The following REDIC1 variants were observed in gnomAD, a reference collection of about 807,000 sequenced individuals.
The protein encoded by REDIC1 is regulator of DNA class I crossover intermediates 1.
At chr12:39,810,376 T>G in the REDIC1 span, among the ~76,000 whole-genome samples, 4 of 152,214 alleles carry the variant, frequency 2.6e-5, no homozygotes, top group Non-Finnish European at 5.9e-5. Flanking sequence ...TGACCTTTTT[T>G]GAGACTTTGT....
At chr12:39,774,586 T>G in the REDIC1 span, among the ~76,000 whole-genome samples, 1 of 9,000 alleles carries the variant, frequency 1.1e-4, no homozygotes, top group Non-Finnish European at 4.8e-4. Context: ...TGTCCAGCCT[T>G]TTTTTTTTTT....
the REDIC1 span, among the ~76,000 whole-genome samples, chr12:39,667,460 A>G: frequency 6.6e-6 from 1 of 152,078 alleles, no homozygotes; most frequent in Non-Finnish European, 1.5e-5. Context: ...GTTCTTTTAC[A>G]TTTGCTGAGG....
At chr12:39,875,437 T>C in the REDIC1 span, among the ~76,000 whole-genome samples, 1 of 152,352 alleles carries the variant, frequency 6.6e-6, no homozygotes, top group South Asian at 2.1e-4. Flanking sequence ...TAAGGTAAAC[T>C]GATTAGCACA....
At chr12:39,838,151 C>A in the REDIC1 span, among the ~76,000 whole-genome samples, 5 of 147,438 alleles carry the variant, frequency 3.4e-5, no homozygotes, top group Non-Finnish European at 7.5e-5. Context: ...CCATGGAATA[C>A]TACGCAGCCA....
At chr12:39,832,907 G>C in the REDIC1 span, among the ~76,000 whole-genome samples, 2 of 152,050 alleles carry the variant, frequency 1.3e-5, no homozygotes, top group African/African-American at 2.4e-5. Flanking sequence ...TCACACTATA[G>C]AGCAGATGAG....
chr12:39,894,033 C>T, the REDIC1 span, among the ~76,000 whole-genome samples: 3 of 152,144 alleles, frequency 2.0e-5, no homozygotes, highest in Non-Finnish European at 4.4e-5. Context: ...ATGTGTAGTA[C>T]ATTTGATAGG....
chr12:39,751,607 G>A, the REDIC1 span, among the ~76,000 whole-genome samples: 6 of 152,330 alleles, frequency 3.9e-5, no homozygotes, highest in African/African-American at 1.4e-4. Flanking sequence ...GGACATGTAT[G>A]TTTATTGCGG....
the REDIC1 span, among the ~76,000 whole-genome samples, chr12:39,700,226 A>C: frequency 6.6e-6 from 1 of 152,174 alleles, no homozygotes; most frequent in Non-Finnish European, 1.5e-5. Flanking sequence ...TAGAATAACC[A>C]ATACAGAGAA....
the REDIC1 span, chr12:39,648,114 C>T: frequency 5.2e-6 from 3 of 574,788 alleles, no homozygotes; most frequent in Non-Finnish European, 8.0e-6. Context: ...AATTAAGGTT[C>T]ATTCCCTTTA....
At chr12:39,890,054 C>T in the REDIC1 span, among the ~76,000 whole-genome samples, 1 of 152,088 alleles carries the variant, frequency 6.6e-6, no homozygotes, top group African/African-American at 2.4e-5. Flanking sequence ...GGGTAGAAAC[C>T]CGATAATCTG....
chr12:39,672,105 G>T, the REDIC1 span, among the ~76,000 whole-genome samples: 3 of 152,102 alleles, frequency 2.0e-5, no homozygotes, highest in Non-Finnish European at 4.4e-5. Flanking sequence ...CAGGTGGTGT[G>T]GGGCTGTTAT....
the REDIC1 span, among the ~76,000 whole-genome samples, chr12:39,813,593 A>G: frequency 6.6e-6 from 1 of 152,194 alleles, no homozygotes; most frequent in South Asian, 2.1e-4. Flanking sequence ...TCAAACAGCC[A>G]ATCACTGTTC....
At chr12:39,836,630 C>A in the REDIC1 span, among the ~76,000 whole-genome samples, 1 of 146,032 alleles carries the variant, frequency 6.8e-6, no homozygotes, top group African/African-American at 2.6e-5. Context: ...TGATAAGCAA[C>A]TTCAGCAAAG....
At chr12:39,783,213 T>A in the REDIC1 span, among the ~76,000 whole-genome samples, 1 of 152,220 alleles carries the variant, frequency 6.6e-6, no homozygotes, top group African/African-American at 2.4e-5. Context: ...TCCTTTTTTA[T>A]AGCTGCATAG....
chr12:39,900,343 C>T, the REDIC1 span, among the ~76,000 whole-genome samples: 5 of 151,906 alleles, frequency 3.3e-5, no homozygotes, highest in Non-Finnish European at 7.4e-5. Flanking sequence ...CTGGCCAGGG[C>T]GATTAGGCAG....
chr12:39,820,397 G>GAAT, the REDIC1 span, among the ~76,000 whole-genome samples: 1 of 152,122 alleles, frequency 6.6e-6, no homozygotes, highest in East Asian at 1.9e-4. Context: ...GATTGGCATT[G>GAAT]GTTCATGAAT....
At chr12:39,742,738 G>A in the REDIC1 span, among the ~76,000 whole-genome samples, 3 of 152,280 alleles carry the variant, frequency 2.0e-5, no homozygotes, top group South Asian at 6.2e-4. Flanking sequence ...GGTCTAGCAG[G>A]TGAGGAGCTT....
At chr12:39,837,739 A>C in the REDIC1 span, among the ~76,000 whole-genome samples, 1 of 152,234 alleles carries the variant, frequency 6.6e-6, no homozygotes, top group South Asian at 2.1e-4. Context: ...CACATGAAAA[A>C]ATGCTCATCA....
the REDIC1 span, among the ~76,000 whole-genome samples, chr12:39,907,319 C>G: frequency 6.6e-6 from 1 of 152,024 alleles, no homozygotes; most frequent in African/African-American, 2.4e-5. Context: ...ATGTAGTGAG[C>G]AAATTTAAAT....
Sources: allele counts gnomAD v4.1 joint callset (sites outside exome capture counted in the v4.1 genomes callset), GRCh38; gene constraint gnomAD v4.1.1; transcripts MANE v1.5; gene names NCBI Gene and HGNC (gene_info 2026-07-23, HGNC 2026-07-21).